Variants in ST8SIA6 observed in about 807,000 individuals in gnomAD.
The protein encoded by ST8SIA6 is ST8 alpha-N-acetyl-neuraminide alpha-2,8-sialyltransferase 6, also known as alpha-2,8-sialyltransferase 8F.
A neutral mutation model predicts 33.6 loss-of-function variants in ST8SIA6; 39 were observed. That is an observed-to-expected ratio of 1.16 (90% CI 0.90 to 1.52). ST8SIA6 has a LOEUF of 1.52. Ranked by LOEUF, ST8SIA6 falls within the 40% of genes most tolerant of loss-of-function variation. ST8SIA6 has a pLI of 0.00. For missense variants in ST8SIA6, 441 were observed against 443.8 expected, an observed-to-expected ratio of 0.99 and a Z score of 0.06; for synonymous variants, 172 against 167.2, an observed-to-expected ratio of 1.03 and a Z score of -0.22.
intron 3 of ST8SIA6, among the ~76,000 whole-genome samples, chr10:17,380,867 TTGTA>T (rs1206681944): frequency 2.5e-5 from 3 of 121,452 alleles, no homozygotes; most frequent in Admixed American, 8.7e-5. Context: ...GTGTATGTGT[TTGTA>T]TGTGTACACG....
At chr10:17,422,229 G>T (rs1851801937) in intron 2 of ST8SIA6, among the ~76,000 whole-genome samples, 1 of 152,088 alleles carries the variant, frequency 6.6e-6, no homozygotes, top group South Asian at 2.1e-4. Flanking sequence ...TTAGGGAAAA[G>T]CTTACATTTG....
chr10:17,435,603 C>A (rs1326758670), intron 2 of ST8SIA6, among the ~76,000 whole-genome samples: 1 of 150,784 alleles, frequency 6.6e-6, no homozygotes, highest in East Asian at 2.0e-4. Context: ...TTCTATTCAG[C>A]TTGACACAAA....
chr10:17,417,719 C>A (rs1228254661), intron 2 of ST8SIA6, among the ~76,000 whole-genome samples: 1 of 152,166 alleles, frequency 6.6e-6, no homozygotes, highest in African/African-American at 2.4e-5. Flanking sequence ...AATTGCCTTC[C>A]CTGCTTCTCC....
chr10:17,452,215 C>T (rs977700798), intron 2 of ST8SIA6, among the ~76,000 whole-genome samples: 1 of 152,164 alleles, frequency 6.6e-6, no homozygotes, highest in Non-Finnish European at 1.5e-5. Context: ...GTCCTAGTGC[C>T]TCTAATATGC....
At chr10:17,359,953 A>G (rs980974647) in intron 3 of ST8SIA6, among the ~76,000 whole-genome samples, 5 of 152,138 alleles carry the variant, frequency 3.3e-5, no homozygotes, top group Non-Finnish European at 5.9e-5. Flanking sequence ...ATAAATATGT[A>G]CTCAATAGAT....
chr10:17,390,739 C>A, intron 2 of ST8SIA6, 119 bp from the exon 3 acceptor site: 7 of 652,590 alleles, frequency 1.1e-5, no homozygotes, highest in East Asian at 3.4e-5. Flanking sequence ...ATCTTTACTC[C>A]ATTATTGGAT....
chr10:17,347,926 A>G (rs1848892940), intron 4 of ST8SIA6, among the ~76,000 whole-genome samples: 1 of 137,966 alleles, frequency 7.2e-6, no homozygotes, highest in African/African-American at 2.7e-5. Context: ...ACTGCATTCC[A>G]GCCTAGGCGA....
rs1345629064 is a variant in ST8SIA6 at position 17,421,703 on chromosome 10, C to T, written c.201-31083G>A. 2.0e-4 allele frequency among the ~76,000 whole-genome samples: 31 copies of T among 152,014 alleles called. 1 individual carries two copies. Among genetic ancestry groups the T allele is most frequent in the Admixed American group, 1.8e-3 (28 of 15,256 alleles). On this transcript the variant is annotated intron_variant, in intron 2 of 7. Transcript: ENST00000377602. ...TCAGCCTCCCCACTAGCTGGGACTACAGGAGTGTGTCACCGTGCCCTTCTA... is the reference window on the plus strand; with the variant it reads ...TCAGCCTCCCCACTAGCTGGGACTATAGGAGTGTGTCACCGTGCCCTTCTA...
At chr10:17,453,729 C>T (rs1295480355) in intron 1 of ST8SIA6, 72 bp from the exon 2 acceptor site, 2 of 1,153,990 alleles carry the variant, frequency 1.7e-6, no homozygotes, top group Non-Finnish European at 2.2e-6. Context: ...CTGGGAGTCG[C>T]GCTCCTTGCC....
At chr10:17,386,859 C>G (rs1231498634) in intron 3 of ST8SIA6, 2 of 152,352 alleles carry the variant, frequency 1.3e-5, no homozygotes, top group African/African-American at 4.8e-5. Flanking sequence ...GTCTTCAGAA[C>G]AGCTCTCTCC....
chr10:17,348,699 C>T (rs17364858), intron 4 of ST8SIA6, among the ~76,000 whole-genome samples: 2,048 of 152,330 alleles, frequency 0.013, 23 homozygotes, highest in Non-Finnish European at 0.022. Context: ...AATTCATCAT[C>T]TTCCGCTTTT....
chr10:17,368,390 A>G (rs1849626056), intron 3 of ST8SIA6, among the ~76,000 whole-genome samples: 1 of 138,750 alleles, frequency 7.2e-6, no homozygotes, highest in Admixed American at 7.6e-5. Flanking sequence ...CTGGGCAACA[A>G]GAGTGAAGCT....
intron 4 of ST8SIA6, among the ~76,000 whole-genome samples, chr10:17,334,169 C>T (rs1848427518): frequency 2.0e-5 from 3 of 151,854 alleles, no homozygotes; most frequent in Admixed American, 6.6e-5. Flanking sequence ...TTTAAAAATA[C>T]GAACTTTCTT....
intron 2 of ST8SIA6, among the ~76,000 whole-genome samples, chr10:17,424,897 C>A (rs1851887248): frequency 6.6e-6 from 1 of 151,976 alleles, no homozygotes; most frequent in Admixed American, 6.6e-5. Flanking sequence ...CCATACATGG[C>A]TAATTTTTGT....
At chr10:17,356,430 C>A (rs1276937375) in intron 4 of ST8SIA6, among the ~76,000 whole-genome samples, 1 of 151,034 alleles carries the variant, frequency 6.6e-6, no homozygotes, top group African/African-American at 2.4e-5. Flanking sequence ...TGTCAGCCAG[C>A]CTGCAGTGCA....
chr10:17,380,883 TTG>T (rs1850121190), intron 3 of ST8SIA6, among the ~76,000 whole-genome samples: 1 of 150,236 alleles, frequency 6.7e-6, no homozygotes, highest in Admixed American at 6.7e-5. Context: ...GTGTACACGT[TTG>T]TGTGTATGCA....
intron 4 of ST8SIA6, among the ~76,000 whole-genome samples, chr10:17,333,529 G>A (rs888755546): frequency 1.3e-5 from 2 of 150,720 alleles, no homozygotes; most frequent in East Asian, 3.9e-4. Context: ...GCGTGGTACT[G>A]GTACCAAAAC....
chr10:17,405,314 T>G (rs570209040), intron 2 of ST8SIA6, among the ~76,000 whole-genome samples: 7 of 152,090 alleles, frequency 4.6e-5, no homozygotes, highest in Non-Finnish European at 8.8e-5. Context: ...AAGCCTGCAG[T>G]GAGCCACGAT....
chr10:17,447,362 C>T (rs1449790196), intron 2 of ST8SIA6, among the ~76,000 whole-genome samples: 5 of 151,912 alleles, frequency 3.3e-5, no homozygotes, highest in South Asian at 2.1e-4. Context: ...GCTAAGATTG[C>T]GCCACTGCTC....
Sources: allele counts gnomAD v4.1 joint callset (sites outside exome capture counted in the v4.1 genomes callset), GRCh38; gene constraint gnomAD v4.1.1; transcripts MANE v1.5; gene names NCBI Gene and HGNC (gene_info 2026-07-23, HGNC 2026-07-21).